Variants in XIRP2 observed in about 807,000 individuals in gnomAD.
XIRP2 encodes the protein xin actin binding repeat containing 2, also known as xin actin-binding repeat-containing protein 2.
In XIRP2, 236 loss-of-function variants were observed where a neutral mutation model predicts 277.0. That is an observed-to-expected ratio of 0.85 (90% CI 0.77 to 0.95). The LOEUF (loss-of-function observed/expected upper bound fraction) is 0.95, where lower values mean the gene tolerates loss of function less well. Among genes scored for constraint, XIRP2 ranks in the 40% least tolerant of loss-of-function variants. The probability of loss-of-function intolerance (pLI) is 0.00; values close to 1 mark genes in which losing one functional copy is unlikely to be tolerated. For missense variants in XIRP2, 4,640 were observed against 4,157.5 expected (o/e 1.12, Z -3.19); for synonymous variants, 1,490 against 1,416.5 (o/e 1.05, Z -1.17).
intron 2 of XIRP2, among the ~76,000 whole-genome samples, chr2:166,925,996 C>T (rs1685179278): frequency 6.6e-6 from 1 of 151,774 alleles, no homozygotes; most frequent in Non-Finnish European, 1.5e-5. Flanking sequence ...ATTGCTTGAG[C>T]CCAGGAGTTT....
intron 3 of XIRP2, among the ~76,000 whole-genome samples, chr2:167,176,320 C>T (rs1225348421): frequency 3.3e-5 from 5 of 152,120 alleles, no homozygotes; most frequent in African/African-American, 1.2e-4. Context: ...GCTCGCCCTC[C>T]GTGGGCTGCA....
At chr2:167,086,763 G>A (rs1372820115) in intron 2 of XIRP2, among the ~76,000 whole-genome samples, 5 of 148,436 alleles carry the variant, frequency 3.4e-5, no homozygotes, top group African/African-American at 7.3e-5. Flanking sequence ...CATTCTTCAC[G>A]TAGTTCTCAA....
chr2:167,069,688 C>A (rs1162258858), intron 2 of XIRP2, among the ~76,000 whole-genome samples: 1 of 152,156 alleles, frequency 6.6e-6, no homozygotes, highest in African/African-American at 2.4e-5. Context: ...TCTCACTAAG[C>A]TTTAACCTAG....
chr2:167,072,081 A>C (rs903674282), intron 2 of XIRP2, among the ~76,000 whole-genome samples: 5 of 152,234 alleles, frequency 3.3e-5, no homozygotes, highest in African/African-American at 1.2e-4. Context: ...GCACAATGGA[A>C]TAAATATTTT....
rs1574001928 is a variant in XIRP2 at position 167,251,356 on chromosome 2, G to A, written c.9964G>A (p.Ala3322Thr). The change falls in exon 9 of 11, where the codon GCT becomes ACT. Residue 3322 changes from alanine (A) to threonine (T), a missense_variant. Ala to Thr is a moderately conservative substitution (Grantham distance 58). Transcript: ENST00000409195. ...AGCGGCCAACCGAACTGTTCAAATG[G>A]CTGAAAATTTCGTGAATGACCCTGA... ...YEAANRTVQM[A>T]ENFVNDPENE... 6.2e-7 allele frequency: 1 copy of A among 1,613,550 alleles called. No individual in the cohort carries two copies. Among genetic ancestry groups the A allele is most frequent in the East Asian group, 2.2e-5 (1 of 44,836 alleles).
intron 7 of XIRP2, 80 bp from the exon 8 acceptor site, chr2:167,241,694 GCCA>G: frequency 6.9e-7 from 1 of 1,453,126 alleles, no homozygotes; most frequent in Non-Finnish European, 9.2e-7. Context: ...ACAGGAATGA[GCCA>G]CCATGCCCAG....
At chr2:167,017,703 A>G (rs752154513) in intron 2 of XIRP2, among the ~76,000 whole-genome samples, 1 of 152,070 alleles carries the variant, frequency 6.6e-6, no homozygotes, top group Non-Finnish European at 1.5e-5. Context: ...ATTGGGGATA[A>G]AAAGCACATA....
rs1342034450 is a variant in XIRP2 at position 167,248,704 on chromosome 2, A to G, written c.7312A>G (p.Asn2438Asp). The G allele has an allele frequency of 8.1e-6, 13 of 1,613,646 alleles. No homozygotes were observed. The highest frequency in any genetic ancestry group is 1.1e-5 in the Non-Finnish European group (13 of 1,179,808). ...KLPKHIKDNK[N>D]DFSPKVELAT... Reference sequence around the variant, plus strand: ...TCCCAAGCATATAAAAGATAATAAGAACGATTTTTCCCCCAAAGTTGAACT... The same window carrying G: ...TCCCAAGCATATAAAAGATAATAAGGACGATTTTTCCCCCAAAGTTGAACT... Residue 2438 changes from asparagine (N) to aspartate (D), a missense_variant, in exon 9 of 11, where the codon AAC becomes GAC. Coordinates refer to ENST00000409195, the MANE Select transcript of XIRP2 (RefSeq NM_152381.6).
intron 2 of XIRP2, among the ~76,000 whole-genome samples, chr2:166,912,422 C>A (rs554892731): frequency 6.6e-6 from 1 of 152,192 alleles, no homozygotes; most frequent in Non-Finnish European, 1.5e-5. Flanking sequence ...CTTGTGCATT[C>A]GTCACATAGT....
At chr2:167,176,880 C>T (rs1444415987) in intron 3 of XIRP2, among the ~76,000 whole-genome samples, 1 of 152,154 alleles carries the variant, frequency 6.6e-6, no homozygotes, top group East Asian at 1.9e-4. Context: ...TCCAGAGAAC[C>T]CAGTCACCTG....
At chr2:166,931,063 G>A (rs1407345289) in intron 2 of XIRP2, among the ~76,000 whole-genome samples, 1 of 152,116 alleles carries the variant, frequency 6.6e-6, no homozygotes, top group Non-Finnish European at 1.5e-5. Context: ...GACATGTCAT[G>A]AGCTCAATGA....
intron 2 of XIRP2, among the ~76,000 whole-genome samples, chr2:167,031,786 G>C (rs1469618069): frequency 6.6e-6 from 1 of 152,040 alleles, no homozygotes; most frequent in African/African-American, 2.4e-5. Context: ...AGAAACCACT[G>C]CTCAATGAAA....
chr2:167,126,226 C>T (rs971633868), intron 2 of XIRP2, among the ~76,000 whole-genome samples: 2 of 151,938 alleles, frequency 1.3e-5, no homozygotes, highest in African/African-American at 4.8e-5. Flanking sequence ...TTCTCTGCCA[C>T]CTTGTTTTTT....
chr2:167,017,465 T>C (rs1026634447), intron 2 of XIRP2, among the ~76,000 whole-genome samples: 12 of 151,980 alleles, frequency 7.9e-5, no homozygotes, highest in Admixed American at 3.3e-4. Flanking sequence ...CTTGCCAAGA[T>C]AGTTTTTCTT....
chr2:166,970,015 G>A (rs1165516851), intron 2 of XIRP2, among the ~76,000 whole-genome samples: 1 of 151,926 alleles, frequency 6.6e-6, no homozygotes, highest in Non-Finnish European at 1.5e-5. Context: ...TCAGGTCTGG[G>A]TGAATGAAAG....
At chr2:166,985,118 A>G (rs1686967763) in intron 2 of XIRP2, among the ~76,000 whole-genome samples, 1 of 152,208 alleles carries the variant, frequency 6.6e-6, no homozygotes, top group African/African-American at 2.4e-5. Context: ...AGTCCATAAT[A>G]AAAACAGTGG....
Position 167,259,550 on chromosome 2 carries a change from C to T in XIRP2, c.*1733C>T. The T allele has an allele frequency of 3.6e-6, 2 of 550,022 alleles. No individual in the cohort carries two copies. Among genetic ancestry groups the T allele is most frequent in the Middle Eastern group, 3.9e-4 (1 of 2,544 alleles). The allele number at this position is 550,022 out of a possible 1,614,324, so 34.1% of individuals were successfully genotyped here. ...TGTCATTTTTTTCACAATTTATTTA[C>T]ATCTACTTTTGTTTGAACTGGAATG... On this transcript the variant is annotated 3_prime_UTR_variant, in exon 11 of 11. Transcript: ENST00000409195.
At chr2:167,191,185 CAAAAA>C (rs931552422) in intron 3 of XIRP2, among the ~76,000 whole-genome samples, 1 of 46,912 alleles carries the variant, frequency 2.1e-5, no homozygotes, top group Non-Finnish European at 4.7e-5. Flanking sequence ...GACCCTGTCT[CAAAAA>C]AAAAAAAAAA....
intron 2 of XIRP2, among the ~76,000 whole-genome samples, chr2:167,010,509 C>T (rs1307533226): frequency 1.3e-5 from 2 of 152,184 alleles, no homozygotes; most frequent in South Asian, 2.1e-4. Context: ...AGCGTGATGC[C>T]TCCAGCTTTG....
Sources: gnomAD v4.1 joint callset for allele counts (sites outside exome capture counted in the v4.1 genomes callset) on GRCh38, gnomAD v4.1.1 for gene constraint, MANE v1.5 for transcripts, NCBI Gene and HGNC (gene_info 2026-07-23, HGNC 2026-07-21) for gene names.